The following PHF6 variants were observed in gnomAD, a reference collection of about 807,000 sequenced individuals.
PHF6 encodes the protein PHD finger protein 6, also known as PHD-like zinc finger protein.
A neutral mutation model predicts 34.0 loss-of-function variants in PHF6; 7 were observed. The observed-to-expected ratio is 0.21, with a 90% CI of 0.12 to 0.39. The LOEUF (loss-of-function observed/expected upper bound fraction) is 0.39. Ranked by LOEUF, PHF6 falls within the 10% of genes least tolerant of loss-of-function variation. The pLI is 1.00. For synonymous variants in PHF6, 89 were observed against 88.4 expected, an observed-to-expected ratio of 1.01 and a Z score of -0.04; for missense variants, 128 against 262.8, an observed-to-expected ratio of 0.49 and a Z score of 3.55.
intron 3 of PHF6, among the ~76,000 whole-genome samples, chrX:134,383,473 G>C (rs980674846): frequency 9.1e-6 from 1 of 109,897 alleles, no homozygotes; most frequent in Admixed American, 9.7e-5. Context: ...TCATATACTT[G>C]ATGACTGTCC....
At chrX:134,407,301 C>T (rs1028748853) in intron 5 of PHF6, among the ~76,000 whole-genome samples, 2 of 112,383 alleles carry the variant, frequency 1.8e-5, no homozygotes, top group African/African-American at 6.5e-5. Context: ...CAAATGTTAG[C>T]TCTTACTATT....
intron 3 of PHF6, among the ~76,000 whole-genome samples, chrX:134,380,643 C>T (rs999276444): frequency 2.1e-4 from 23 of 111,016 alleles, no homozygotes; most frequent in African/African-American, 7.5e-4. Context: ...AGTTTGAATC[C>T]CAGCTCTGTC....
At chrX:134,384,159 C>G (rs955971756) in intron 3 of PHF6, among the ~76,000 whole-genome samples, 1 of 111,501 alleles carries the variant, frequency 9.0e-6, no homozygotes, top group Non-Finnish European at 1.9e-5. Flanking sequence ...TGTCTTCTGT[C>G]TGGGAGGAGT....
At chrX:134,388,040 C>T (rs954390783) in intron 3 of PHF6, among the ~76,000 whole-genome samples, 2 of 111,569 alleles carry the variant, frequency 1.8e-5, no homozygotes, top group East Asian at 2.8e-4. Context: ...GTTATGAGTT[C>T]GTATTCCACC....
At chrX:134,374,018 G>T (rs2077268334) in intron 1 of PHF6, among the ~76,000 whole-genome samples, 1 of 110,813 alleles carries the variant, frequency 9.0e-6, no homozygotes, top group African/African-American at 3.3e-5. Flanking sequence ...GACGATTAGG[G>T]GACCCTGACT....
intron 5 of PHF6, among the ~76,000 whole-genome samples, chrX:134,396,995 C>T (rs1418664454): frequency 9.0e-6 from 1 of 110,940 alleles, no homozygotes. Context: ...ACTTACTTTG[C>T]TAATACTTAA....
intron 3 of PHF6, among the ~76,000 whole-genome samples, chrX:134,390,225 T>C (rs1340383642): frequency 1.8e-5 from 2 of 112,148 alleles, no homozygotes; most frequent in African/African-American, 6.5e-5. Flanking sequence ...TTTTGCTATT[T>C]TGTTAGTACC....
intron 3 of PHF6, among the ~76,000 whole-genome samples, chrX:134,388,376 A>G (rs2077340347): frequency 9.0e-6 from 1 of 111,706 alleles, no homozygotes; most frequent in Non-Finnish European, 1.9e-5. Flanking sequence ...AAATATCCTC[A>G]GTACAGCGTT....
rs2077265060 is a variant in PHF6 at position 134,373,329 on chromosome X, C to G, written c.-185C>G. 8.9e-6 allele frequency: 1 copy of G among 112,642 alleles called. No homozygotes were observed. The highest frequency in any genetic ancestry group is 3.2e-5 in the African/African-American group (1 of 31,032). 9.3% of individuals were successfully genotyped at this position (112,642 alleles called of 1,213,427 possible). A position where few individuals can be genotyped will look rare whatever the true frequency, so the allele number is the denominator to read the frequency against. On this transcript the variant is annotated 5_prime_UTR_variant, in exon 1 of 11. Coordinates refer to ENST00000370803, the MANE Select transcript of PHF6 (RefSeq NM_001015877.2). ...GGCGACGTAAGGGCGCTCCGCGAGC[C>G]CGTCTCTCCTCGAATGAAAGGAAAC...
chrX:134,379,384 A>G (rs1231754998), intron 3 of PHF6, among the ~76,000 whole-genome samples: 1 of 106,748 alleles, frequency 9.4e-6, no homozygotes, highest in Non-Finnish European at 1.9e-5. Context: ...TGTAGATATT[A>G]ATAGAAAGCT....
At chrX:134,374,815 T>C (rs191847843) in intron 1 of PHF6, among the ~76,000 whole-genome samples, 6 of 112,557 alleles carry the variant, frequency 5.3e-5, no homozygotes, top group African/African-American at 1.9e-4. Context: ...CACGCTGTTA[T>C]TGTTGCCTCT....
intron 3 of PHF6, 130 bp downstream of exon 3, chrX:134,378,236 T>C (rs1013630225): frequency 7.7e-6 from 3 of 390,398 alleles, no homozygotes; most frequent in Middle Eastern, 1.7e-3. Context: ...CTTTTTTTTT[T>C]TCTCTGAGCC....
At position 134,378,121 on chromosome X, in the gene PHF6, C is replaced by T. The variant is rs760516493; in HGVS notation, c.240+15C>T. ...GCACGAAGCTGGTAAGTTGGTATTT[C>T]TGCCTCTTGAGAATAAAAATTATTT... On this transcript the variant is annotated intron_variant, in intron 3 of 10. Coordinates refer to ENST00000370803, the MANE Select transcript of PHF6 (RefSeq NM_001015877.2). The T allele has an allele frequency of 2.8e-6, 3 of 1,080,493 alleles. No homozygotes were observed. The highest frequency in any genetic ancestry group is 3.8e-6 in the Non-Finnish European group (3 of 780,556). The allele number at this position is 1,080,493 out of a possible 1,213,427, so 89.0% of individuals were successfully genotyped here.
chrX:134,381,907 G>A (rs1262111638), intron 3 of PHF6, among the ~76,000 whole-genome samples: 1 of 111,574 alleles, frequency 9.0e-6, no homozygotes, highest in Non-Finnish European at 1.9e-5. Context: ...ATCGAAAACT[G>A]GAGTACTGAA....
chrX:134,385,800 C>T (rs1284046654), intron 3 of PHF6, among the ~76,000 whole-genome samples: 1 of 111,374 alleles, frequency 9.0e-6, no homozygotes, highest in Non-Finnish European at 1.9e-5. Context: ...CATGTTTCTT[C>T]AGCCTTCACT....
At chrX:134,389,100 C>A (rs777867861) in intron 3 of PHF6, among the ~76,000 whole-genome samples, 2 of 111,218 alleles carry the variant, frequency 1.8e-5, no homozygotes, top group Non-Finnish European at 3.8e-5. Context: ...TTTACTAGGT[C>A]GACTAGGTAG....
intron 9 of PHF6, among the ~76,000 whole-genome samples, chrX:134,424,476 A>G (rs1330988709): frequency 8.9e-6 from 1 of 112,093 alleles, no homozygotes; most frequent in African/African-American, 3.2e-5. Flanking sequence ...GAAGCTAACC[A>G]AGCCTTTAGA....
chrX:134,418,849 T>C (rs2077481258), intron 9 of PHF6: 1 of 108,982 alleles, frequency 9.2e-6, no homozygotes, highest in Non-Finnish European at 1.9e-5. Context: ...CTTTTTTTTT[T>C]TTTTTTACTT....
intron 9 of PHF6, among the ~76,000 whole-genome samples, chrX:134,422,791 C>T (rs1331127259): frequency 9.0e-6 from 1 of 111,521 alleles, no homozygotes; most frequent in African/African-American, 3.3e-5. Context: ...GACCAGTTGA[C>T]ACCTGTAACC....
Sources: allele counts gnomAD v4.1 joint callset (sites outside exome capture counted in the v4.1 genomes callset), GRCh38; gene constraint gnomAD v4.1.1; transcripts MANE v1.5; gene names NCBI Gene and HGNC (gene_info 2026-07-23, HGNC 2026-07-21).